MAGI2: variants seen among roughly 807,000 people sequenced by gnomAD.
MAGI2 encodes the protein membrane-associated guanylate kinase, WW and PDZ domain-containing protein 2.
A neutral mutation model predicts 133.3 loss-of-function variants in MAGI2; 35 were observed. The ratio of observed to expected loss-of-function variants is 0.26; its 90% CI spans 0.20 to 0.35. The LOEUF (loss-of-function observed/expected upper bound fraction) is 0.35, where lower values mean the gene tolerates loss of function less well. MAGI2 is among the 10% of genes least tolerant of loss of function. The pLI, the probability that MAGI2 is intolerant of heterozygous loss-of-function variation, is 1.00. For missense variants in MAGI2, 1,636 were observed against 1,863.4 expected (o/e 0.88, Z 2.25); for synonymous variants, 729 against 710.6 (o/e 1.03, Z -0.41).
At position 78,689,682 on chromosome 7, in the gene MAGI2, C is replaced by CTTT. The variant is rs200333526; in HGVS notation, c.419-62446_419-62444dup. Among the ~76,000 whole-genome samples, 188 of 92,002 alleles carry CTTT rather than the reference C, an allele frequency of 2.0e-3. 2 individuals are homozygous for CTTT. Among genetic ancestry groups the CTTT allele is most frequent in the Non-Finnish European group, 2.3e-3 (114 of 50,112 alleles). The allele number at this position is 92,002 out of a possible 152,430, so 60.4% of individuals were successfully genotyped here. The stretch of plus-strand genomic sequence containing the variant: ...ACAATGTGTATCTTTTTGGATCTGG[C>CTTT]TTTTTTTTTTTTTTTTTTTTTTGCT... On this transcript the variant is annotated intron_variant, in intron 2 of 21. Coordinates refer to ENST00000354212, the MANE Select transcript of MAGI2 (RefSeq NM_012301.4).
chr7:78,777,865 T>C (rs1211212063), intron 2 of MAGI2, among the ~76,000 whole-genome samples: 2 of 133,500 alleles, frequency 1.5e-5, no homozygotes, highest in Non-Finnish European at 3.4e-5. Context: ...TCAGGATCAG[T>C]TGTTGCACAC....
At chr7:78,438,670 C>T (rs757697602) in intron 6 of MAGI2, among the ~76,000 whole-genome samples, 2 of 152,110 alleles carry the variant, frequency 1.3e-5, no homozygotes, top group African/African-American at 2.4e-5. Context: ...TTCTCTTTAA[C>T]GAACCACAGC....
At chr7:78,287,536 T>G (rs569207949) in intron 9 of MAGI2, among the ~76,000 whole-genome samples, 1 of 152,262 alleles carries the variant, frequency 6.6e-6, no homozygotes, top group East Asian at 1.9e-4. Flanking sequence ...TATGAAAGGA[T>G]GTAGTTAAAA....
At chr7:78,983,421 G>T (rs1243359774) in intron 2 of MAGI2, among the ~76,000 whole-genome samples, 1 of 151,510 alleles carries the variant, frequency 6.6e-6, no homozygotes, top group Non-Finnish European at 1.5e-5. Flanking sequence ...AAATCCTTTC[G>T]GATAAAGGAG....
chr7:78,992,488 CA>C (rs1172577093), intron 2 of MAGI2, among the ~76,000 whole-genome samples: 4 of 151,584 alleles, frequency 2.6e-5, no homozygotes, highest in Admixed American at 2.6e-4. Context: ...TTTGCATTAA[CA>C]ACCACATTTT....
chr7:79,056,995 C>A, intron 1 of MAGI2, among the ~76,000 whole-genome samples: 1 of 152,150 alleles, frequency 6.6e-6, no homozygotes, highest in East Asian at 1.9e-4. Context: ...TTTCAGAAAT[C>A]TGAAGAAGTC....
Position 78,976,516 on chromosome 7 carries a change from G to T in MAGI2, c.418+30574C>A, listed in dbSNP as rs139164055. ...ACATCTCATGTTTTGATGAGAGATT[G>T]GATGCCTTCCCTCTGAGATTATCAA... On this transcript the variant is annotated intron_variant, in intron 2 of 21. Transcript: ENST00000354212. Among the ~76,000 whole-genome samples, 487 of 151,436 alleles carry T rather than the reference G, an allele frequency of 3.2e-3. 4 individuals are homozygous for T. The highest frequency in any genetic ancestry group is 0.011 in the African/African-American group (469 of 41,422).
At chr7:79,152,226 A>G (rs1823325728) in intron 1 of MAGI2, among the ~76,000 whole-genome samples, 1 of 152,192 alleles carries the variant, frequency 6.6e-6, no homozygotes, top group Non-Finnish European at 1.5e-5. Flanking sequence ...ATCACTAGAG[A>G]AAGAAATATC....
intron 1 of MAGI2, among the ~76,000 whole-genome samples, chr7:79,079,463 G>A (rs1584878237): frequency 6.6e-6 from 1 of 152,094 alleles, no homozygotes; most frequent in East Asian, 1.9e-4. Flanking sequence ...CAAGGGAAGA[G>A]GAACATTTAA....
At chr7:78,277,231 TTAGCAAGGAAAA>T (rs2151001584) in intron 9 of MAGI2, among the ~76,000 whole-genome samples, 1 of 152,304 alleles carries the variant, frequency 6.6e-6, no homozygotes, top group East Asian at 1.9e-4. Context: ...AAACTATGAT[TTAGCAAGGAAAA>T]TTATCATAAT....
chr7:78,413,395 T>A (rs1387475611), intron 6 of MAGI2, among the ~76,000 whole-genome samples: 1 of 152,098 alleles, frequency 6.6e-6, no homozygotes, highest in Non-Finnish European at 1.5e-5. Flanking sequence ...TAGAACATGA[T>A]GAGAAATGGC....
chr7:78,845,465 C>T (rs1792509676), intron 2 of MAGI2, among the ~76,000 whole-genome samples: 1 of 151,766 alleles, frequency 6.6e-6, no homozygotes, highest in Non-Finnish European at 1.5e-5. Context: ...CAGTTGAAGG[C>T]CTTGGATGAT....
intron 2 of MAGI2, among the ~76,000 whole-genome samples, chr7:78,769,527 GC>G (rs1478374458): frequency 1.3e-5 from 2 of 152,136 alleles, no homozygotes; most frequent in Non-Finnish European, 2.9e-5. Context: ...ATTTAAAAAG[GC>G]AGGCGAACTG....
intron 1 of MAGI2, among the ~76,000 whole-genome samples, chr7:79,023,605 G>A (rs1037834340): frequency 3.3e-5 from 5 of 151,976 alleles, no homozygotes; most frequent in South Asian, 2.1e-4. Flanking sequence ...GTGCTCAAAC[G>A]CTTTTTGATC....
At chr7:79,290,833 T>C (rs963739710) in intron 1 of MAGI2, among the ~76,000 whole-genome samples, 2 of 152,082 alleles carry the variant, frequency 1.3e-5, no homozygotes, top group African/African-American at 4.8e-5. Flanking sequence ...TCCCTTTCTG[T>C]TTTTTAAAAT....
intron 6 of MAGI2, among the ~76,000 whole-genome samples, chr7:78,479,565 G>A (rs1019279905): frequency 2.6e-4 from 39 of 152,020 alleles, no homozygotes; most frequent in African/African-American, 8.7e-4. Flanking sequence ...ATTGGGAAGA[G>A]CTCTGCAAGC....
intron 9 of MAGI2, among the ~76,000 whole-genome samples, chr7:78,288,900 A>C (rs2151033540): frequency 6.6e-6 from 1 of 152,322 alleles, no homozygotes; most frequent in African/African-American, 2.4e-5. Flanking sequence ...TGACTGTTAG[A>C]AGGAAAACTA....
At chr7:78,823,943 TTGTCA>T (rs1790395625) in intron 2 of MAGI2, among the ~76,000 whole-genome samples, 1 of 146,156 alleles carries the variant, frequency 6.8e-6, no homozygotes, top group Non-Finnish European at 1.5e-5. Flanking sequence ...ACAAAATGCA[TTGTCA>T]ATACTGCTTT....
In MAGI2 at chr7:79,253,634, C is replaced by T. The variant is rs533580329; in HGVS notation, c.301+199386G>A. Among the ~76,000 whole-genome samples, 3 of 151,886 alleles carry T rather than the reference C, an allele frequency of 2.0e-5. No individual in the cohort carries two copies. In the East Asian group the frequency reaches 5.8e-4, roughly 29 times the overall value. ...CTCCAGCCTATATGACAGAAAGGGACTTTGTCTTAAAAAAAAAGTAATAAC... is the reference window on the plus strand; with the variant it reads ...CTCCAGCCTATATGACAGAAAGGGATTTTGTCTTAAAAAAAAAGTAATAAC... On this transcript the variant is annotated intron_variant, in intron 1 of 21. Coordinates refer to ENST00000354212, the MANE Select transcript of MAGI2 (RefSeq NM_012301.4).
Sources: gnomAD v4.1 joint callset for allele counts (sites outside exome capture counted in the v4.1 genomes callset) on GRCh38, gnomAD v4.1.1 for gene constraint, MANE v1.5 for transcripts, NCBI Gene and HGNC (gene_info 2026-07-23, HGNC 2026-07-21) for gene names.